The following XRCC1 variants were observed in gnomAD, a reference collection of about 807,000 sequenced individuals.
The protein encoded by XRCC1 is X-ray repair cross complementing 1, also known as DNA repair protein XRCC1.
In XRCC1, 52 loss-of-function variants were observed where a neutral mutation model predicts 83.3. The ratio of observed to expected loss-of-function variants is 0.62; its 90% CI spans 0.50 to 0.79. The LOEUF (loss-of-function observed/expected upper bound fraction) is 0.79. XRCC1 is among the 30% of genes least tolerant of loss of function. The pLI is 0.00. For synonymous variants in XRCC1, 281 were observed against 312.6 expected (o/e 0.90, Z 1.07); for missense variants, 793 against 823.5 (o/e 0.96, Z 0.45).
chr19:43,551,484 G>A (rs1332658830), intron 10 of XRCC1, 87 bp downstream of exon 10: 17 of 1,196,202 alleles, frequency 1.4e-5, no homozygotes, highest in Admixed American at 3.5e-5. Flanking sequence ...TGTGTTCTCC[G>A]CTGGCAGGCC....
chr19:43,551,692 T>C lies in XRCC1; in HGVS notation c.1083-5A>G. Reference sequence around the variant, plus strand: ...GGGGTGTTGGCAAAGGCACAGCTGGTGGGGGGCAGAAGTGAAGATGCCAGT... The same window carrying C: ...GGGGTGTTGGCAAAGGCACAGCTGGCGGGGGGCAGAAGTGAAGATGCCAGT... On this transcript the variant is annotated splice_polypyrimidine_tract_variant and splice_region_variant and intron_variant, in intron 9 of 16. Coordinates refer to ENST00000262887, the MANE Select transcript of XRCC1 (RefSeq NM_006297.3). 1.2e-6 allele frequency: 2 copies of C among 1,611,910 alleles called. No homozygotes were observed. Among genetic ancestry groups the C allele is most frequent in the Non-Finnish European group, 1.7e-6 (2 of 1,178,750 alleles).
At position 43,546,681 on chromosome 19, in the gene XRCC1, G is replaced by A. The variant is rs374994600; in HGVS notation, c.1340C>T (p.Ser447Leu). The change falls in exon 12 of 17, where the codon TCA (serine) becomes TTA (leucine). Residue 447 changes from serine to leucine, a missense_variant. By Grantham distance (145) the Ser-to-Leu change is moderately radical. Coordinates refer to ENST00000262887, the MANE Select transcript of XRCC1 (RefSeq NM_006297.3). ...TKPTQAAGPS[S>L]PQKPPTPEET... ...TTCAGGGGTTGGGGGCTTCTGGGGT[G>A]AGCTGGGTCCAGCTGCCTGAGTGGG... 98 of 1,610,264 alleles carry A rather than the reference G, an allele frequency of 6.1e-5. 1 individual carries two copies. Among genetic ancestry groups the A allele is most frequent in the Non-Finnish European group, 8.0e-5 (94 of 1,179,082 alleles).
Position 43,546,694 on chromosome 19 carries a change from C to T in XRCC1, c.1327G>A (p.Ala443Thr). 1 of 1,609,726 alleles carries T rather than the reference C, an allele frequency of 6.2e-7. No homozygotes were observed. Among genetic ancestry groups the T allele is most frequent in the Non-Finnish European group, 8.5e-7 (1 of 1,178,824 alleles). Residue 443 changes from alanine to threonine, a missense_variant, in exon 12 of 17, where the codon GCT becomes ACT. By Grantham distance (58) the Ala-to-Thr change is moderately conservative. Coordinates refer to ENST00000262887, the MANE Select transcript of XRCC1 (RefSeq NM_006297.3). ...GGCTTCTGGGGTGAGCTGGGTCCAG[C>T]TGCCTGAGTGGGCTTGGTTTTGGTC... ...PQTKTKPTQAAGPSSPQKPPT... is the reference protein window; with the variant it reads ...PQTKTKPTQATGPSSPQKPPT...
chr19:43,561,818 T>C (rs1568516607), intron 2 of XRCC1, among the ~76,000 whole-genome samples: 1 of 152,070 alleles, frequency 6.6e-6, no homozygotes, highest in Non-Finnish European at 1.5e-5. Flanking sequence ...TGCCTTCCAG[T>C]TTGGGGCTCT....
rs368837757 is a variant in XRCC1 at position 43,552,996 on chromosome 19, C to T, written c.697G>A (p.Gly233Ser). ...SSASPVSRAIGSTSKPQESPK... is the reference protein window; with the variant it reads ...SSASPVSRAISSTSKPQESPK... Reference sequence around the variant, plus strand: ...GATGATTTCACCTTGGAGGTGCTGCCTATGGCCCTGGAGACTGGAGAGGCT... The same window carrying T: ...GATGATTTCACCTTGGAGGTGCTGCTTATGGCCCTGGAGACTGGAGAGGCT... Residue 233 changes from glycine (G) to serine (S), a missense_variant, in exon 7 of 17, where the codon GGC becomes AGC. Gly to Ser is a moderately conservative substitution (Grantham distance 56, BLOSUM62 0). Coordinates refer to ENST00000262887, the MANE Select transcript of XRCC1 (RefSeq NM_006297.3). 8.1e-6 allele frequency: 13 copies of T among 1,603,614 alleles called. No homozygotes were observed. The Admixed American group carries it at 1.2e-4, about 15-fold the overall frequency.
chr19:43,562,145 C>CAA (rs1203247615), intron 2 of XRCC1, among the ~76,000 whole-genome samples: 60 of 41,968 alleles, frequency 1.4e-3, no homozygotes, highest in African/African-American at 3.3e-3. Flanking sequence ...GACTCTGTCA[C>CAA]AAAAAAAAAA....
chr19:43,571,901 A>C (rs991961858), intron 2 of XRCC1, among the ~76,000 whole-genome samples: 4 of 152,180 alleles, frequency 2.6e-5, no homozygotes, highest in Non-Finnish European at 5.9e-5. Context: ...GAACAAATAA[A>C]TCCATCATCT....
At chr19:43,557,171 T>G (rs1466564361) in intron 3 of XRCC1, among the ~76,000 whole-genome samples, 4 of 151,806 alleles carry the variant, frequency 2.6e-5, no homozygotes, top group African/African-American at 9.7e-5. Flanking sequence ...TAGCTGGGCA[T>G]GGTGGCGCGT....
chr19:43,563,495 AAAC>A (rs893727767), intron 2 of XRCC1, among the ~76,000 whole-genome samples: 8 of 152,210 alleles, frequency 5.3e-5, no homozygotes, highest in East Asian at 1.9e-4. Context: ...TCTGTCTCAA[AAAC>A]AACAACAACA....
At chr19:43,570,976 G>C (rs1234522307) in intron 2 of XRCC1, among the ~76,000 whole-genome samples, 2 of 152,182 alleles carry the variant, frequency 1.3e-5, no homozygotes, top group African/African-American at 4.8e-5. Flanking sequence ...CAAAACAACT[G>C]CTGCAATGCT....
chr19:43,551,119 C>T (rs1034505949), intron 10 of XRCC1, among the ~76,000 whole-genome samples: 1 of 152,208 alleles, frequency 6.6e-6, no homozygotes, highest in African/African-American at 2.4e-5. Context: ...AGGCGTGCGC[C>T]ACCAAGCCCA....
rs2307166 is a variant in XRCC1 at position 43,544,178 on chromosome 19, G to A, written c.1678C>T (p.Arg560Trp). 438 of 1,610,396 alleles carry A rather than the reference G, an allele frequency of 2.7e-4. No individual in the cohort carries two copies. The highest frequency in any genetic ancestry group is 3.4e-4 in the Non-Finnish European group (395 of 1,178,544). ...GCTGTGACGTATCGGATGAGTTTCCGCCGCTCGTCCCCAGGGAACTCCCCG... is the reference window on the plus strand; with the variant it reads ...GCTGTGACGTATCGGATGAGTTTCCACCGCTCGTCCCCAGGGAACTCCCCG... ...LYGEFPGDER[R>W]KLIRYVTAFN... Residue 560 changes from arginine (R) to tryptophan (W), a missense_variant, in exon 15 of 17, where the codon CGG becomes TGG. Arg to Trp is a moderately radical substitution (Grantham distance 101, BLOSUM62 -3). Transcript: ENST00000262887.
At chr19:43,549,776 A>T (rs1443107519) in intron 10 of XRCC1, among the ~76,000 whole-genome samples, 2 of 151,978 alleles carry the variant, frequency 1.3e-5, no homozygotes, top group African/African-American at 4.8e-5. Flanking sequence ...TGCATCATAT[A>T]GTTATTTTTT....
Position 43,543,500 on chromosome 19 carries a change from C to CA in XRCC1, c.1793dup (p.Met599AspfsTer19). ...CGAATGCCAGGGAGGGGTTGTCCAT[C>CA]AGGGCCTGCAGGGTGGGGTGGAGTC... On this transcript the variant is annotated frameshift_variant, in exon 17 of 17. Coordinates refer to ENST00000262887, the MANE Select transcript of XRCC1 (RefSeq NM_006297.3). LOFTEE classifies it high-confidence loss of function. The CA allele has an allele frequency of 1.2e-6, 2 of 1,613,802 alleles. No individual in the cohort carries two copies. Among genetic ancestry groups the CA allele is most frequent in the Non-Finnish European group, 1.7e-6 (2 of 1,179,966 alleles).
Position 43,575,522 on chromosome 19 carries a change from G to T in XRCC1, c.-64C>A. The T allele has an allele frequency of 6.5e-7, 1 of 1,542,900 alleles. No homozygotes were observed. Among genetic ancestry groups the T allele is most frequent in the Non-Finnish European group, 8.9e-7 (1 of 1,124,292 alleles). ...TAGAGTATGGGGTCCGAGGGGCAGGGAGAGTGGGAGGGGGCGGGGTGCGCC... is the reference window on the plus strand; with the variant it reads ...TAGAGTATGGGGTCCGAGGGGCAGGTAGAGTGGGAGGGGGCGGGGTGCGCC... On this transcript the variant is annotated 5_prime_UTR_variant, in exon 1 of 17. Transcript: ENST00000262887.
rs1345352883 is a variant in XRCC1 at position 43,543,414 on chromosome 19, T to C, written c.1880A>G (p.Tyr627Cys). 1.9e-6 allele frequency: 3 copies of C among 1,608,468 alleles called. No individual in the cohort carries two copies. The highest frequency in any genetic ancestry group is 2.2e-5 in the East Asian group (1 of 44,614). ...EKQKLLPHQL[Y>C]GVVPQA ...ACTTCAGGCTTGCGGCACCACCCCA[T>C]AGAGCTGGTGAGGAAGTAACTTCTG... The change falls in exon 17 of 17, where the codon TAT (tyrosine) becomes TGT (cysteine). Residue 627 changes from tyrosine to cysteine, a missense_variant. Tyr to Cys is a radical substitution (Grantham distance 194, BLOSUM62 -2). Coordinates refer to ENST00000262887, the MANE Select transcript of XRCC1 (RefSeq NM_006297.3).
chr19:43,543,360 G>A lies in XRCC1; in HGVS notation c.*32C>T. On this transcript the variant is annotated 3_prime_UTR_variant, in exon 17 of 17. Coordinates refer to ENST00000262887, the MANE Select transcript of XRCC1 (RefSeq NM_006297.3). ...ATGCATCGTGTGTGTGTGTGTGTGT[G>A]TGTGTGTGTGTGTGTGTGTATAGCA... is the stretch of plus-strand genomic sequence containing the variant. 2 of 1,372,222 alleles carry A rather than the reference G, an allele frequency of 1.5e-6. No individual in the cohort carries two copies. The highest frequency in any genetic ancestry group is 2.1e-6 in the Non-Finnish European group (2 of 970,126). The allele number at this position is 1,372,222 out of a possible 1,614,324, so 85.0% of individuals were successfully genotyped here. A position where few individuals can be genotyped will look rare whatever the true frequency, so the allele number is the denominator to read the frequency against.
At chr19:43,554,847 G>A in intron 3 of XRCC1, 43 bp from the exon 4 acceptor site, 1 of 1,583,996 alleles carries the variant, frequency 6.3e-7, no homozygotes. Context: ...AGGGCAGGTT[G>A]GCTTAGATGA....
Position 43,560,990 on chromosome 19 carries a change from C to T in XRCC1, c.175G>A (p.Asp59Asn), listed in dbSNP as rs753202274. The T allele has an allele frequency of 3.7e-6, 6 of 1,614,044 alleles. No homozygotes were observed. Among genetic ancestry groups the T allele is most frequent in the Non-Finnish European group, 5.1e-6 (6 of 1,179,990 alleles). ...LEKEEQIHSV[D>N]IGNDGSAFVE... is the part of the protein sequence containing the mutation. ...AAAGCTGAGCCATCATTCCCAATGT[C>T]CACACTGTGTATCTGCTCCTCCTTC... is the stretch of plus-strand genomic sequence containing the variant. The change falls in exon 3 of 17, where the codon GAC (aspartate) becomes AAC (asparagine). Residue 59 changes from aspartate (D) to asparagine (N), a missense_variant. Transcript: ENST00000262887.
Sources: allele counts gnomAD v4.1 joint callset (sites outside exome capture counted in the v4.1 genomes callset), GRCh38; gene constraint gnomAD v4.1.1; transcripts MANE v1.5; gene names NCBI Gene and HGNC (gene_info 2026-07-23, HGNC 2026-07-21).